ERG: variants seen among roughly 807,000 people sequenced by gnomAD.
The protein encoded by ERG is transcriptional regulator ERG.
A neutral mutation model predicts 55.3 loss-of-function variants in ERG; 9 were observed. The ratio of observed to expected loss-of-function variants is 0.16; its 90% CI spans 0.10 to 0.28. The LOEUF (loss-of-function observed/expected upper bound fraction) is 0.28. ERG is among the 10% of genes least tolerant of loss of function. The probability of loss-of-function intolerance (pLI) is 1.00; values close to 1 mark genes in which losing one functional copy is unlikely to be tolerated. For missense variants in ERG, 434 were observed against 631.6 expected (o/e 0.69, Z 3.35); for synonymous variants, 223 against 237.3 (o/e 0.94, Z 0.55).
Position 38,423,081 on chromosome 21 carries a change from C to T in ERG, c.388+329G>A, listed in dbSNP as rs545715109. Among the ~76,000 whole-genome samples the T allele has an allele frequency of 1.5e-3, 169 of 111,672 alleles. 1 individual carries two copies. Among genetic ancestry groups the T allele is most frequent in the Admixed American group, 0.013 (145 of 10,900 alleles). The allele number at this position is 111,672 out of a possible 152,430, so 73.3% of individuals were successfully genotyped here. On this transcript the variant is annotated intron_variant, in intron 3 of 9. Coordinates refer to ENST00000288319, the MANE Select transcript of ERG (RefSeq NM_182918.4). ...CTCTTTCTCTCTGTCTCTCTCCATA[C>T]GTAGTGTGTGTGTGTGTGTGTGTGT...
chr21:38,631,912 T>C (rs2060359230), intron 1 of ERG, among the ~76,000 whole-genome samples: 1 of 152,020 alleles, frequency 6.6e-6, no homozygotes, highest in South Asian at 2.1e-4. Context: ...TTTAACTGGC[T>C]TCTGCTTGAA....
rs1226620335 is a variant in ERG at position 38,519,225 on chromosome 21, T to C, written c.-41+56437A>G. On this transcript the variant is annotated intron_variant, in intron 2 of 8. Coordinates refer to the ERG transcript ENST00000398897. ...CATCAGGGCTGTAATAAGAGGCATA[T>C]AGCATATTCAAATAGGTAAGTGAAC... 3.3e-5 allele frequency among the ~76,000 whole-genome samples: 5 copies of C among 152,154 alleles called. 1 individual carries two copies. The highest frequency in any genetic ancestry group is 5.9e-5 in the Non-Finnish European group (4 of 68,022).
chr21:38,597,337 T>C (rs1388352417), intron 1 of ERG, among the ~76,000 whole-genome samples: 1 of 152,214 alleles, frequency 6.6e-6, no homozygotes, highest in East Asian at 1.9e-4. Flanking sequence ...CATCCATACA[T>C]AGATATCTCA....
At chr21:38,653,130 G>A (rs1287348083) in intron 1 of ERG, among the ~76,000 whole-genome samples, 1 of 152,022 alleles carries the variant, frequency 6.6e-6, no homozygotes, top group African/African-American at 2.4e-5. Flanking sequence ...CAATTCCATG[G>A]CATTCTTGCT....
upstream of ERG, among the ~76,000 whole-genome samples, chr21:38,499,809 A>AAG: frequency 6.7e-6 from 1 of 148,328 alleles, no homozygotes; most frequent in African/African-American, 2.5e-5. Context: ...GGAAGGACAG[A>AAG]AGAGAGAGAG....
the ERG span, among the ~76,000 whole-genome samples, chr21:38,369,510 G>T: frequency 6.6e-6 from 1 of 152,100 alleles, no homozygotes; most frequent in Non-Finnish European, 1.5e-5. Flanking sequence ...GTTCCTTATA[G>T]ATGCTGGATA....
In ERG at chr21:38,515,228, G is replaced by A. The variant is rs200093494; in HGVS notation, c.-41+60434C>T. Among the ~76,000 whole-genome samples, 9 of 152,038 alleles carry A rather than the reference G, an allele frequency of 5.9e-5. No homozygotes were observed. In the East Asian group the frequency reaches 1.7e-3, roughly 29 times the overall value. On this transcript the variant is annotated intron_variant, in intron 2 of 8. Transcript: ENST00000398897. ...TGAAACTTGAGTGATTCTAAAATAT[G>A]TATGGAAATGCAGAGTCAAAAACAG...
intron 2 of ERG, among the ~76,000 whole-genome samples, chr21:38,553,894 A>G (rs941590970): frequency 1.3e-5 from 2 of 152,048 alleles, no homozygotes; most frequent in African/African-American, 4.8e-5. Flanking sequence ...TATACAGACA[A>G]TGTACAGAAT....
At chr21:38,488,134 G>A (rs1003532695) in intron 1 of ERG, among the ~76,000 whole-genome samples, 5 of 152,138 alleles carry the variant, frequency 3.3e-5, no homozygotes, top group African/African-American at 1.2e-4. Context: ...AGACTTCCTG[G>A]GGTGAGAGAA....
chr21:38,413,902 A>G (rs1414284258), intron 3 of ERG, among the ~76,000 whole-genome samples: 1 of 151,922 alleles, frequency 6.6e-6, no homozygotes, highest in African/African-American at 2.4e-5. Context: ...TCCTCTCTCC[A>G]TATGTATCTT....
intron 3 of ERG, among the ~76,000 whole-genome samples, chr21:38,415,691 C>A (rs1293190603): frequency 1.3e-5 from 2 of 152,124 alleles, no homozygotes; most frequent in Non-Finnish European, 2.9e-5. Context: ...CCCAGTTGTG[C>A]AAGTGTTCCC....
chr21:38,441,740 C>T (rs1180328939), intron 2 of ERG, among the ~76,000 whole-genome samples: 1 of 152,182 alleles, frequency 6.6e-6, no homozygotes, highest in Non-Finnish European at 1.5e-5. Flanking sequence ...GACTGGTTGA[C>T]ATCTGTACAT....
chr21:38,533,333 T>G (rs2059685979), intron 2 of ERG, among the ~76,000 whole-genome samples: 2 of 152,178 alleles, frequency 1.3e-5, no homozygotes. Context: ...TTATTTTTAT[T>G]TTAGCTTCTT....
rs962891221 is a variant in ERG, at chr21:38,594,689, C to T, written c.-149-9744G>A. ...GCATTTCAGCCTTGAATAGCAGAAC[C>T]CAGATCATGAAAAATAGGAAGAACT... On this transcript the variant is annotated intron_variant, in intron 1 of 10. Transcript: ENST00000398910. 2.6e-5 allele frequency among the ~76,000 whole-genome samples: 4 copies of T among 152,030 alleles called. No individual in the cohort carries two copies. The East Asian group carries it at 7.7e-4, about 29-fold the overall frequency.
chr21:38,560,201 G>T (rs1014047953), intron 2 of ERG, among the ~76,000 whole-genome samples: 4 of 152,204 alleles, frequency 2.6e-5, no homozygotes, highest in African/African-American at 9.6e-5. Context: ...CAAGGAGGGT[G>T]ACAATGTCAA....
At chr21:38,539,773 T>C (rs1288221333) in intron 2 of ERG, among the ~76,000 whole-genome samples, 2 of 152,028 alleles carry the variant, frequency 1.3e-5, no homozygotes, top group African/African-American at 2.4e-5. Flanking sequence ...ACCGTAAGCA[T>C]AGTCAGCACA....
chr21:38,649,745 A>G (rs1178355276), intron 1 of ERG, among the ~76,000 whole-genome samples: 1 of 152,242 alleles, frequency 6.6e-6, no homozygotes, highest in African/African-American at 2.4e-5. Context: ...CTAGTGGCCC[A>G]CGTTCCTTAT....
In ERG at chr21:38,400,510, C is replaced by G. The variant is rs767215354; in HGVS notation, c.745+64G>C. ...TCTTTGTATCACGTGACTTAGGGCA[C>G]GGATCTCAGCAGGACATCTGGGATG... On this transcript the variant is annotated intron_variant, in intron 6 of 9. Coordinates refer to ENST00000288319, the MANE Select transcript of ERG (RefSeq NM_182918.4). 9 of 1,299,848 alleles carry G rather than the reference C, an allele frequency of 6.9e-6. No individual in the cohort carries two copies. The East Asian group carries it at 1.4e-4, about 20-fold the overall frequency. 80.5% of individuals were successfully genotyped at this position (1,299,848 alleles called of 1,614,324 possible).
intron 1 of ERG, among the ~76,000 whole-genome samples, chr21:38,660,246 G>A (rs1014783948): frequency 1.3e-5 from 2 of 152,224 alleles, no homozygotes; most frequent in Non-Finnish European, 2.9e-5. Context: ...CCTCTTGGTC[G>A]GGGCCCCAGA....
Sources: gnomAD v4.1 joint callset for allele counts (sites outside exome capture counted in the v4.1 genomes callset) on GRCh38, gnomAD v4.1.1 for gene constraint, MANE v1.5 for transcripts, NCBI Gene and HGNC (gene_info 2026-07-23, HGNC 2026-07-21) for gene names.